The following TMEM68 variants were observed in gnomAD, a reference collection of about 807,000 sequenced individuals.
The protein encoded by TMEM68 is transmembrane protein 68, also known as DGAT1/2-independent enzyme synthesizing storage lipids.
A neutral mutation model predicts 36.9 loss-of-function variants in TMEM68; 25 were observed. The ratio of observed to expected loss-of-function variants is 0.68; its 90% CI spans 0.49 to 0.95. The LOEUF (loss-of-function observed/expected upper bound fraction) is 0.95. Among genes scored for constraint, TMEM68 ranks in the 40% least tolerant of loss-of-function variants. TMEM68 has a pLI of 0.00. For synonymous variants in TMEM68, 131 were observed against 124.4 expected (o/e 1.05, Z -0.35); for missense variants, 333 against 392.0 (o/e 0.85, Z 1.27).
chr8:55,751,160 G>A lies in TMEM68; in HGVS notation c.494-3C>T, dbSNP rs772935841. On this transcript the variant is annotated splice_polypyrimidine_tract_variant and splice_region_variant and intron_variant, in intron 4 of 7. Coordinates refer to ENST00000434581, the MANE Select transcript of TMEM68 (RefSeq NM_001286657.2). ...CACATCCAGTAATAAACTAAACCCT[G>A]TAAGAAACATGAGTATGAAGTTACA... 6.3e-7 allele frequency: 1 copy of A among 1,584,002 alleles called. No individual in the cohort carries two copies. Among genetic ancestry groups the A allele is most frequent in the Non-Finnish European group, 8.5e-7 (1 of 1,169,608 alleles).
chr8:55,767,482 T>G (rs1265500540), intron 1 of TMEM68, among the ~76,000 whole-genome samples: 1 of 152,136 alleles, frequency 6.6e-6, no homozygotes, highest in Non-Finnish European at 1.5e-5. Flanking sequence ...GTGAAGACAT[T>G]AAGTAGGCAG....
chr8:55,758,292 C>A (rs1246872313), intron 3 of TMEM68, among the ~76,000 whole-genome samples: 1 of 152,204 alleles, frequency 6.6e-6, no homozygotes, highest in Non-Finnish European at 1.5e-5. Context: ...CTCCAACCGA[C>A]CACCAATGGC....
chr8:55,741,575 G>C (rs1019310756), intron 7 of TMEM68, among the ~76,000 whole-genome samples: 2 of 152,208 alleles, frequency 1.3e-5, no homozygotes, highest in East Asian at 1.9e-4. Flanking sequence ...TGAAAAGAAA[G>C]TGTTCAGAAG....
intron 3 of TMEM68, chr8:55,762,060 A>C (rs1404941439): frequency 3.3e-5 from 5 of 152,220 alleles, no homozygotes; most frequent in African/African-American, 9.6e-5. Flanking sequence ...AACAAAGAAG[A>C]ACCACCAATC....
chr8:55,754,527 A>G (rs1383406921), intron 4 of TMEM68, among the ~76,000 whole-genome samples: 1 of 140,828 alleles, frequency 7.1e-6, no homozygotes, highest in Non-Finnish European at 1.5e-5. Context: ...ATATATATTT[A>G]CATATACTTA....
chr8:55,754,469 A>ATATATAT (rs1261322483), intron 4 of TMEM68, among the ~76,000 whole-genome samples: 1 of 72,414 alleles, frequency 1.4e-5, no homozygotes, highest in African/African-American at 6.4e-5. Flanking sequence ...ATATATATAC[A>ATATATAT]CACACACACA....
intron 5 of TMEM68, 57 bp from the exon 6 acceptor site, chr8:55,745,178 CCATTAGAGTAACT>C: frequency 8.3e-7 from 1 of 1,197,644 alleles, no homozygotes; most frequent in Non-Finnish European, 1.1e-6. Context: ...TTCAATGTCT[CCATTAGAGTAACT>C]AATGCAAACT....
chr8:55,740,069 G>A lies in TMEM68; in HGVS notation c.*63C>T. 7.5e-7 allele frequency: 1 copy of A among 1,335,564 alleles called. No homozygotes were observed. The highest frequency in any genetic ancestry group is 1.1e-6 in the Non-Finnish European group (1 of 950,962). 82.7% of individuals were successfully genotyped at this position (1,335,564 alleles called of 1,614,324 possible). ...TAGGACCTACAAAATTCAGAAGACA[G>A]TACCTTAGATACAAACATTTAATAT... On this transcript the variant is annotated 3_prime_UTR_variant, in exon 8 of 8. Transcript: ENST00000434581.
chr8:55,762,645 G>T lies in TMEM68; in HGVS notation c.315C>A (p.Ala105=). ...TVATLWDGHA[A]VWHGYEVHGM... ...AGTATCCTTGCTTACCATGCCAAAC[G>T]GCTGCATGTCCATCCCACAGAGTTG... Residue 105 remains alanine (A), a synonymous_variant, in exon 3 of 8, where the codon GCC becomes GCA. Coordinates refer to ENST00000434581, the MANE Select transcript of TMEM68 (RefSeq NM_001286657.2). 6.2e-7 allele frequency: 1 copy of T among 1,614,124 alleles called. No homozygotes were observed. Among genetic ancestry groups the T allele is most frequent in the Non-Finnish European group, 8.5e-7 (1 of 1,180,028 alleles).
chr8:55,743,790 T>C (rs1385786681), intron 6 of TMEM68, among the ~76,000 whole-genome samples, 170 bp from the exon 7 acceptor site: 1 of 152,142 alleles, frequency 6.6e-6, no homozygotes, highest in Non-Finnish European at 1.5e-5. Flanking sequence ...TTTTAACAAA[T>C]ATATCACACC....
intron 4 of TMEM68, among the ~76,000 whole-genome samples, chr8:55,752,534 G>A (rs1359580636): frequency 6.6e-6 from 1 of 151,956 alleles, no homozygotes; most frequent in African/African-American, 2.4e-5. Flanking sequence ...GTTGCAGTGA[G>A]CAAAGATCAA....
In TMEM68 at chr8:55,745,053, GA is replaced by G; in HGVS notation, c.748+7del. 1.3e-6 allele frequency: 2 copies of G among 1,483,382 alleles called. No individual in the cohort carries two copies. The highest frequency in any genetic ancestry group is 1.8e-6 in the Non-Finnish European group (2 of 1,118,756). The allele number at this position is 1,483,382 out of a possible 1,614,324, so 91.9% of individuals were successfully genotyped here. ...TTGTAATTTAAAACCATACAAATCA[GA>G]ACTTACTTGTTCCTCCAAGTGATCT... On this transcript the variant is annotated splice_region_variant and intron_variant, in intron 6 of 7. Coordinates refer to ENST00000434581, the MANE Select transcript of TMEM68 (RefSeq NM_001286657.2).
chr8:55,763,373 C>G (rs1008158727), intron 2 of TMEM68: 1 of 154,150 alleles, frequency 6.5e-6, no homozygotes, highest in Non-Finnish European at 1.4e-5. Context: ...GATCTTAAAC[C>G]AGGTCACATT....
intron 1 of TMEM68, among the ~76,000 whole-genome samples, chr8:55,770,446 G>A (rs1461701237): frequency 1.3e-5 from 2 of 152,184 alleles, no homozygotes; most frequent in East Asian, 1.9e-4. Flanking sequence ...AGGCCAAGGT[G>A]GAAGGACTGC....
At chr8:55,761,138 T>C (rs1341161796) in intron 3 of TMEM68, 1 of 152,202 alleles carries the variant, frequency 6.6e-6, no homozygotes, top group Non-Finnish European at 1.5e-5. Flanking sequence ...CCTTAAAACC[T>C]AGGGCTATTT....
intron 1 of TMEM68, among the ~76,000 whole-genome samples, chr8:55,769,018 T>TTAAAAAAAAAAAAAAAAAAAAAAAAA (rs1554556017): frequency 1.2e-5 from 1 of 82,090 alleles, no homozygotes; most frequent in Non-Finnish European, 2.4e-5. Flanking sequence ...ACTCTGTCTT[T>TTAAAAAAAAAAAAAAAAAAAAAAAAA]AAAAAAAAAA....
At chr8:55,753,173 G>A (rs1365279712) in intron 4 of TMEM68, among the ~76,000 whole-genome samples, 1 of 151,832 alleles carries the variant, frequency 6.6e-6, no homozygotes, top group Non-Finnish European at 1.5e-5. Flanking sequence ...TTTGAAAAAG[G>A]CAAATGCTAA....
intron 1 of TMEM68, among the ~76,000 whole-genome samples, chr8:55,767,959 G>A (rs992615524): frequency 6.6e-5 from 10 of 151,968 alleles, no homozygotes; most frequent in African/African-American, 2.4e-4. Context: ...GAATTTCCAG[G>A]ACTGAGTCTT....
At chr8:55,756,756 T>C (rs1265048185) in intron 3 of TMEM68, among the ~76,000 whole-genome samples, 6 of 151,152 alleles carry the variant, frequency 4.0e-5, no homozygotes, top group East Asian at 1.9e-4. Context: ...CTATCACAGG[T>C]TGGGGGGCTG....
Sources: gnomAD v4.1 joint callset for allele counts (sites outside exome capture counted in the v4.1 genomes callset) on GRCh38, gnomAD v4.1.1 for gene constraint, MANE v1.5 for transcripts, NCBI Gene and HGNC (gene_info 2026-07-23, HGNC 2026-07-21) for gene names.